PRIM2: variants seen among roughly 807,000 people sequenced by gnomAD.
The protein encoded by PRIM2 is DNA primase subunit 2, also known as DNA primase large subunit.
PRIM2 carries 39 observed loss-of-function variants against 67.3 expected under a neutral mutation model. The ratio of observed to expected loss-of-function variants is 0.58; its 90% CI spans 0.45 to 0.76. The LOEUF (loss-of-function observed/expected upper bound fraction) is 0.76. PRIM2 is among the 30% of genes least tolerant of loss of function. PRIM2 has a pLI of 0.00. For synonymous variants in PRIM2, 143 were observed against 198.7 expected (o/e 0.72, Z 2.36); for missense variants, 398 against 598.7 (o/e 0.66, Z 3.50).
intron 10 of PRIM2, among the ~76,000 whole-genome samples, chr6:57,564,775 T>C (rs1216664049): frequency 6.5e-4 from 99 of 152,262 alleles, no homozygotes; most frequent in African/African-American, 2.2e-3. Context: ...TCTTAAATAA[T>C]AGTAAAAATG....
At chr6:57,252,279 T>C in the PRIM2 span, among the ~76,000 whole-genome samples, 1 of 152,232 alleles carries the variant, frequency 6.6e-6, no homozygotes, top group South Asian at 2.1e-4. Context: ...CAAGTTACCA[T>C]GTATTGAGGC....
chr6:57,368,091 A>G (rs1769424434), intron 5 of PRIM2, among the ~76,000 whole-genome samples: 1 of 152,228 alleles, frequency 6.6e-6, no homozygotes, highest in African/African-American at 2.4e-5. Flanking sequence ...AATGATAATA[A>G]CAGTATTAAA....
chr6:57,633,272 G>A (rs1320568425), intron 13 of PRIM2, among the ~76,000 whole-genome samples: 1 of 152,120 alleles, frequency 6.6e-6, no homozygotes, highest in Non-Finnish European at 1.5e-5. Flanking sequence ...ATCCAAGAAC[G>A]GACTTTGGAG....
chr6:57,268,427 A>T, the PRIM2 span, among the ~76,000 whole-genome samples: 11 of 152,166 alleles, frequency 7.2e-5, no homozygotes, highest in Non-Finnish European at 1.6e-4. Context: ...AAAATATCAC[A>T]TGACATCAAA....
intron 10 of PRIM2, among the ~76,000 whole-genome samples, chr6:57,565,911 C>T (rs1345392939): frequency 6.6e-6 from 1 of 152,114 alleles, no homozygotes; most frequent in Non-Finnish European, 1.5e-5. Flanking sequence ...CCGATTTCTC[C>T]AATTGCTTAA....
At chr6:57,272,587 C>G in the PRIM2 span, among the ~76,000 whole-genome samples, 1 of 152,246 alleles carries the variant, frequency 6.6e-6, no homozygotes, top group African/African-American at 2.4e-5. Flanking sequence ...TCCAATTTGC[C>G]AGTCTGTGTC....
intron 7 of PRIM2, among the ~76,000 whole-genome samples, chr6:57,409,834 C>G (rs1485261435): frequency 2.0e-5 from 3 of 152,162 alleles, no homozygotes; most frequent in Non-Finnish European, 4.4e-5. Context: ...CAGTTTCTTT[C>G]TTTTATGGTT....
At chr6:57,464,154 C>G (rs913532815) in intron 7 of PRIM2, among the ~76,000 whole-genome samples, 2 of 152,214 alleles carry the variant, frequency 1.3e-5, no homozygotes, top group African/African-American at 4.8e-5. Context: ...TGCACACTCT[C>G]AGTGCCATGT....
chr6:57,337,468 C>T (rs981726364), intron 5 of PRIM2, among the ~76,000 whole-genome samples: 43 of 148,186 alleles, frequency 2.9e-4, no homozygotes, highest in African/African-American at 9.7e-4. Context: ...AAGTAAAGCT[C>T]TCCTCAGCAA....
At chr6:57,412,008 T>A (rs1771103442) in intron 7 of PRIM2, among the ~76,000 whole-genome samples, 2 of 151,096 alleles carry the variant, frequency 1.3e-5, no homozygotes, top group South Asian at 4.1e-4. Context: ...TAATATTTTA[T>A]AATTAAAATA....
the PRIM2 span, among the ~76,000 whole-genome samples, chr6:57,278,661 G>A: frequency 1.3e-5 from 2 of 151,952 alleles, no homozygotes; most frequent in African/African-American, 4.8e-5. Flanking sequence ...AGGACACAAT[G>A]TGTTTTTTTT....
chr6:57,428,118 A>AT (rs1771692185), intron 7 of PRIM2, among the ~76,000 whole-genome samples: 4 of 88,256 alleles, frequency 4.5e-5, no homozygotes, highest in East Asian at 2.8e-4. Flanking sequence ...TAGAATTGAC[A>AT]TTTTTTAATT....
chr6:57,334,978 C>A (rs888986419), intron 5 of PRIM2, among the ~76,000 whole-genome samples: 1 of 127,354 alleles, frequency 7.9e-6, no homozygotes, highest in Non-Finnish European at 1.7e-5. Context: ...GAGTGCCAGA[C>A]AGTGGGCGCA....
At chr6:57,401,700 T>C (rs569293834) in intron 7 of PRIM2, among the ~76,000 whole-genome samples, 15 of 152,226 alleles carry the variant, frequency 9.9e-5, no homozygotes, top group Non-Finnish European at 2.2e-4. Flanking sequence ...TCATGGGGGC[T>C]CCACTCCAGA....
At chr6:57,637,509 GA>G (rs1777142419) in intron 13 of PRIM2, among the ~76,000 whole-genome samples, 1 of 151,964 alleles carries the variant, frequency 6.6e-6, no homozygotes, top group Non-Finnish European at 1.5e-5. Flanking sequence ...TAAGAACCTT[GA>G]AAAAAAGTTA....
chr6:57,523,771 T>G (rs1774680173), intron 8 of PRIM2, among the ~76,000 whole-genome samples: 1 of 152,048 alleles, frequency 6.6e-6, no homozygotes, highest in Admixed American at 6.6e-5. Context: ...AAATCCACTT[T>G]CATGTAATTT....
At chr6:57,323,029 G>T (rs996671626) in intron 3 of PRIM2, among the ~76,000 whole-genome samples, 6 of 151,872 alleles carry the variant, frequency 4.0e-5, no homozygotes, top group Non-Finnish European at 8.8e-5. Context: ...ACTTCTCTGT[G>T]CCTCAGTTTC....
the PRIM2 span, among the ~76,000 whole-genome samples, chr6:57,257,855 G>A: frequency 6.6e-6 from 1 of 152,092 alleles, no homozygotes; most frequent in African/African-American, 2.4e-5. Flanking sequence ...TCTCCCTAAT[G>A]TTAGCTATTT....
chr6:57,375,301 T>C (rs1260802330), intron 5 of PRIM2, among the ~76,000 whole-genome samples: 2 of 152,192 alleles, frequency 1.3e-5, no homozygotes, highest in Non-Finnish European at 2.9e-5. Flanking sequence ...TATTGAAGGC[T>C]TTTTCTGCAT....
Sources: gnomAD v4.1 joint callset for allele counts (sites outside exome capture counted in the v4.1 genomes callset) on GRCh38, gnomAD v4.1.1 for gene constraint, MANE v1.5 for transcripts, NCBI Gene and HGNC (gene_info 2026-07-23, HGNC 2026-07-21) for gene names.